The following RHOV variants were observed in gnomAD, a reference collection of about 807,000 sequenced individuals.
The protein encoded by RHOV is rho-related GTP-binding protein RhoV.
RHOV carries 6 observed loss-of-function variants against 20.2 expected under a neutral mutation model. That is an observed-to-expected ratio of 0.30 (90% CI 0.16 to 0.59). The LOEUF is 0.59. Ranked by LOEUF, RHOV falls within the 20% of genes least tolerant of loss-of-function variation. RHOV has a pLI of 0.89. For synonymous variants in RHOV, 136 were observed against 142.3 expected, an observed-to-expected ratio of 0.96 and a Z score of 0.31; for missense variants, 275 against 319.4, an observed-to-expected ratio of 0.86 and a Z score of 1.06.
In RHOV at chr15:40,873,518, A is replaced by G. The variant is rs567815459; in HGVS notation, c.268-17T>C. 57 of 1,593,890 alleles carry G rather than the reference A, an allele frequency of 3.6e-5. No individual in the cohort carries two copies. Among genetic ancestry groups the G allele is most frequent in the Admixed American group, 1.9e-4 (11 of 58,488 alleles). On this transcript the variant is annotated splice_polypyrimidine_tract_variant and intron_variant, in intron 2 of 2. Coordinates refer to ENST00000220507, the MANE Select transcript of RHOV (RefSeq NM_133639.4). ...AAAATCCTCCTGGGGTGGGAAGGCCAGGTGGTAAGGATTAGCCCCCCGACA... is the reference window on the plus strand; with the variant it reads ...AAAATCCTCCTGGGGTGGGAAGGCCGGGTGGTAAGGATTAGCCCCCCGACA...
chr15:40,873,513 A>G lies in RHOV; in HGVS notation c.268-12T>C. On this transcript the variant is annotated splice_polypyrimidine_tract_variant and intron_variant, in intron 2 of 2. Transcript: ENST00000220507. ...CGGTCAAAATCCTCCTGGGGTGGGA[A>G]GGCCAGGTGGTAAGGATTAGCCCCC... 2 of 1,592,954 alleles carry G rather than the reference A, an allele frequency of 1.3e-6. No individual in the cohort carries two copies. Among genetic ancestry groups the G allele is most frequent in the Admixed American group, 3.4e-5 (2 of 58,036 alleles).
At chr15:40,873,856 G>A (rs1395032333) in intron 1 of RHOV, 76 bp downstream of exon 1, 3 of 1,543,964 alleles carry the variant, frequency 1.9e-6, no homozygotes, top group East Asian at 4.5e-5. Flanking sequence ...CCCTCCCGCC[G>A]AGACGCCCGC....
Position 40,873,174 on chromosome 15 carries a change from C to A in RHOV, c.595G>T (p.Asp199Tyr). The A allele has an allele frequency of 6.2e-7, 1 of 1,614,264 alleles. No homozygotes were observed. Among genetic ancestry groups the A allele is most frequent in the Middle Eastern group, 1.6e-4 (1 of 6,062 alleles). The change falls in exon 3 of 3, where the codon GAC becomes TAC. Residue 199 changes from aspartate to tyrosine, a missense_variant. Asp to Tyr is a radical substitution (Grantham distance 160). Coordinates refer to ENST00000220507, the MANE Select transcript of RHOV (RefSeq NM_133639.4). ...LTQKNLKEVF[D>Y]SAILSAIEHK... The stretch of plus-strand genomic sequence containing the variant: ...TCAATGGCACTGAGAATAGCCGAGT[C>A]AAATACTTCCTTCAAGTTCTTCTGC...
rs759855477 is a variant in RHOV at position 40,873,097 on chromosome 15, G to T, written c.672C>A (p.Leu224=). The T allele has an allele frequency of 1.9e-6, 3 of 1,614,132 alleles. No individual in the cohort carries two copies. In the East Asian group the frequency reaches 6.7e-5, roughly 36 times the overall value. The stretch of plus-strand genomic sequence containing the variant: ...AGAACTTCTTCCAGCGGCAGCGGGA[G>T]AGGGTGCGCACACCTTTGGCATTCA... ...KKLNAKGVRT[L]SRCRWKKFFC... The change falls in exon 3 of 3, where the codon CTC becomes CTA. Residue 224 remains leucine (L), a synonymous_variant. Coordinates refer to ENST00000220507, the MANE Select transcript of RHOV (RefSeq NM_133639.4).
intron 1 of RHOV, 26 bp downstream of exon 1, chr15:40,873,906 C>T (rs1891923854): frequency 1.3e-6 from 2 of 1,592,298 alleles, no homozygotes; most frequent in East Asian, 2.2e-5. Context: ...AGCCACGCGG[C>T]CGCACGGGCG....
At position 40,873,761 on chromosome 15, in the gene RHOV, G is replaced by A; in HGVS notation, c.209-19C>T. 2 of 1,611,748 alleles carry A rather than the reference G, an allele frequency of 1.2e-6. No individual in the cohort carries two copies. The highest frequency in any genetic ancestry group is 1.8e-4 in the Middle Eastern group (1 of 5,506). ...ACTTGCACTGCAGGGGCGGGGCGGG[G>A]AGAGCCTGAGTTAGGAAGAGCGTCC... is the stretch of plus-strand genomic sequence containing the variant. On this transcript the variant is annotated intron_variant, in intron 1 of 2. Transcript: ENST00000220507.
Position 40,874,019 on chromosome 15 carries a change from C to G in RHOV, c.121G>C (p.Ala41Pro). The change falls in exon 1 of 3, where the codon GCC becomes CCC. Residue 41 changes from alanine (A) to proline (P), a missense_variant. Ala to Pro is a conservative substitution (Grantham distance 27, BLOSUM62 -1). Transcript: ENST00000220507. ...ACGATGAGGCTGCTCTTGCCCACGGCGCCGTCGCCCACCAGCACGCACTTG... is the reference window on the plus strand; with the variant it reads ...ACGATGAGGCTGCTCTTGCCCACGGGGCCGTCGCCCACCAGCACGCACTTG... ...GIKCVLVGDG[A>P]VGKSSLIVSY... The G allele has an allele frequency of 6.2e-7, 1 of 1,604,890 alleles. No homozygotes were observed. Among genetic ancestry groups the G allele is most frequent in the Non-Finnish European group, 8.5e-7 (1 of 1,176,890 alleles).
In RHOV at chr15:40,873,995, C is replaced by T. The variant is rs780683834; in HGVS notation, c.145G>A (p.Val49Ile). 11 of 1,610,456 alleles carry T rather than the reference C, an allele frequency of 6.8e-6. No homozygotes were observed. Among genetic ancestry groups the T allele is most frequent in the African/African-American group, 1.3e-5 (1 of 74,530 alleles). ...DGAVGKSSLI[V>I]SYTCNGYPAR... ...GGGTACCCATTGCAGGTGTAGCTGA[C>T]GATGAGGCTGCTCTTGCCCACGGCG... The change falls in exon 1 of 3, where the codon GTC becomes ATC. Residue 49 changes from valine (V) to isoleucine (I), a missense_variant. By Grantham distance (29) the Val-to-Ile change is conservative. Transcript: ENST00000220507.
intron 2 of RHOV, 67 bp from the exon 3 acceptor site, chr15:40,873,568 G>C: frequency 6.3e-7 from 1 of 1,587,360 alleles, no homozygotes; most frequent in Non-Finnish European, 8.6e-7. Context: ...CTCACCCGGG[G>C]CTGGAAACCT....
At chr15:40,873,845 G>A in intron 1 of RHOV, 87 bp downstream of exon 1, 1 of 1,531,972 alleles carries the variant, frequency 6.5e-7, no homozygotes, top group South Asian at 1.2e-5. Context: ...GGTCCTCTGC[G>A]CCCTCCCGCC....
chr15:40,873,152 A>G lies in RHOV; in HGVS notation c.617T>C (p.Ile206Thr), dbSNP rs780808040. ...EVFDSAILSA[I>T]EHKARLEKKL... ...CTTCTCCAGCCGGGCTTTGTGCTCA[A>G]TGGCACTGAGAATAGCCGAGTCAAA... Residue 206 changes from isoleucine to threonine, a missense_variant, in exon 3 of 3, where the codon ATT becomes ACT. Ile to Thr is a moderately conservative substitution (Grantham distance 89). Transcript: ENST00000220507. 6.2e-7 allele frequency: 1 copy of G among 1,614,222 alleles called. No individual in the cohort carries two copies. Among genetic ancestry groups the G allele is most frequent in the Non-Finnish European group, 8.5e-7 (1 of 1,180,030 alleles).
Position 40,873,330 on chromosome 15 carries a change from G to A in RHOV, c.439C>T (p.Leu147=). Residue 147 remains leucine (L), a synonymous_variant, in exon 3 of 3, where the codon CTG becomes TTG. Transcript: ENST00000220507. Reference sequence around the variant, plus strand: ...ATTAGTACGTTGACATCGTCCCTCAGGTCGGCCTGGGTGCCCACCAGCAGC... The same window carrying A: ...ATTAGTACGTTGACATCGTCCCTCAAGTCGGCCTGGGTGCCCACCAGCAGC... The part of the protein sequence containing the change: ...PVLLVGTQAD[L]RDDVNVLIQL... The A allele has an allele frequency of 6.2e-7, 1 of 1,613,118 alleles. No homozygotes were observed. The highest frequency in any genetic ancestry group is 1.7e-5 in the Admixed American group (1 of 60,014).
intron 1 of RHOV, 54 bp downstream of exon 1, chr15:40,873,878 G>C (rs1479498161): frequency 4.5e-5 from 70 of 1,560,872 alleles, no homozygotes; most frequent in Admixed American, 7.0e-5. Flanking sequence ...CCAGCTCCCC[G>C]GTGCACAGCC....
rs547489450 is a variant in RHOV, at chr15:40,874,110, C to T, written c.30G>A (p.Glu10=). 55 of 1,378,868 alleles carry T rather than the reference C, an allele frequency of 4.0e-5. No homozygotes were observed. The South Asian group carries it at 8.5e-4, about 21-fold the overall frequency. 85.4% of individuals were successfully genotyped at this position (1,378,868 alleles called of 1,614,324 possible). A position where few individuals can be genotyped will look rare whatever the true frequency, so the allele number is the denominator to read the frequency against. ...GGGTCGGGGCCCGGAGCGGGGGCGG[C>T]TCGGCCTCGCTCAGCTCCCGCGGCG... The part of the protein sequence containing the change: MPPRELSEA[E]PPPLRAPTPP... The change falls in exon 1 of 3, where the codon GAG becomes GAA. Residue 10 remains glutamate, a synonymous_variant. Coordinates refer to ENST00000220507, the MANE Select transcript of RHOV (RefSeq NM_133639.4).
At chr15:40,873,911 C>A in intron 1 of RHOV, 21 bp downstream of exon 1, 1 of 1,597,066 alleles carries the variant, frequency 6.3e-7, no homozygotes, top group Non-Finnish European at 8.5e-7. Flanking sequence ...CGCGGCCGCA[C>A]GGGCGATTGA....
Position 40,873,285 on chromosome 15 carries a change from G to T in RHOV, c.484C>A (p.Arg162=). 3.1e-6 allele frequency: 5 copies of T among 1,613,844 alleles called. No individual in the cohort carries two copies. The highest frequency in any genetic ancestry group is 4.2e-6 in the Non-Finnish European group (5 of 1,180,006). The change falls in exon 3 of 3, where the codon CGG becomes AGG. Residue 162 remains arginine, a synonymous_variant. Transcript: ENST00000220507. ...TGGGGTTGGGGCACGGGGCCCTCCC[G>T]GCCCCCCTGGTCCAGCTGAATTAGT... ...NVLIQLDQGG[R]EGPVPQPQAQ...
Position 40,873,289 on chromosome 15 carries a change from C to T in RHOV, c.480G>A (p.Gly160=), listed in dbSNP as rs148901787. Residue 160 remains glycine (G), a synonymous_variant, in exon 3 of 3, where the codon GGG becomes GGA. Coordinates refer to ENST00000220507, the MANE Select transcript of RHOV (RefSeq NM_133639.4). ...DVNVLIQLDQ[G]GREGPVPQPQ... ...GTTGGGGCACGGGGCCCTCCCGGCC[C>T]CCCTGGTCCAGCTGAATTAGTACGT... 3.6e-5 allele frequency: 58 copies of T among 1,613,896 alleles called. No individual in the cohort carries two copies. In the African/African-American group the frequency reaches 6.7e-4, roughly 19 times the overall value.
chr15:40,872,929 G>A lies in RHOV; in HGVS notation c.*129C>T, dbSNP rs981020080. The A allele has an allele frequency of 3.0e-5, 20 of 677,316 alleles. No homozygotes were observed. The East Asian group carries it at 5.1e-4, about 17-fold the overall frequency. The allele number at this position is 677,316 out of a possible 1,614,324, so 42.0% of individuals were successfully genotyped here. On this transcript the variant is annotated 3_prime_UTR_variant, in exon 3 of 3. Transcript: ENST00000220507. ...GCAGTTAGAGGCCCATGTCCCCCGA[G>A]TGTTCAGAAGGGAACTGAGTCCTAT...
chr15:40,873,710 T>C lies in RHOV; in HGVS notation c.241A>G (p.Ile81Val). Residue 81 changes from isoleucine to valine, a missense_variant, in exon 2 of 3, where the codon ATT becomes GTT. By Grantham distance (29) the Ile-to-Val change is conservative (BLOSUM62 3). Transcript: ENST00000220507. ...TGTCCCGCTGTGTCCCAGAGCTCAA[T>C]GCGCACCGGAGCTCCATCCACCAGG... ...QVLVDGAPVR[I>V]ELWDTAGQED... 6.2e-7 allele frequency: 1 copy of C among 1,613,902 alleles called. No individual in the cohort carries two copies. Among genetic ancestry groups the C allele is most frequent in the Non-Finnish European group, 8.5e-7 (1 of 1,180,000 alleles).
Sources: allele counts gnomAD v4.1 joint callset, GRCh38; gene constraint gnomAD v4.1.1; transcripts MANE v1.5; gene names NCBI Gene and HGNC (gene_info 2026-07-23, HGNC 2026-07-21).